The following BABAM2 variants were observed in gnomAD, a reference collection of about 807,000 sequenced individuals.
BABAM2 encodes BRISC and BRCA1 A complex member 2.
Under a neutral mutation model 54.7 loss-of-function variants are expected in BABAM2, and 31 were observed. The observed-to-expected ratio is 0.57, with a 90% CI of 0.43 to 0.77. The LOEUF (loss-of-function observed/expected upper bound fraction) is 0.77, where lower values mean the gene tolerates loss of function less well. Among genes scored for constraint, BABAM2 ranks in the 30% least tolerant of loss-of-function variants. The probability of loss-of-function intolerance (pLI) is 0.00; values close to 1 mark genes in which losing one functional copy is unlikely to be tolerated. For synonymous variants in BABAM2, 167 were observed against 162.9 expected (o/e 1.03, Z -0.19); for missense variants, 364 against 455.8 (o/e 0.80, Z 1.83).
At chr2:27,976,873 G>A (rs948541012) in intron 3 of BABAM2, among the ~76,000 whole-genome samples, 5 of 152,240 alleles carry the variant, frequency 3.3e-5, no homozygotes, top group South Asian at 4.1e-4. Context: ...GGTGTGGTCC[G>A]AAGTCTAGGA....
intron 7 of BABAM2, among the ~76,000 whole-genome samples, chr2:28,169,915 A>G (rs1674133467): frequency 6.6e-6 from 1 of 152,160 alleles, no homozygotes; most frequent in African/African-American, 2.4e-5. Flanking sequence ...GGGCATTCCA[A>G]AAGTCCCAGT....
chr2:28,184,098 C>T (rs1675970334), intron 7 of BABAM2, among the ~76,000 whole-genome samples: 1 of 152,146 alleles, frequency 6.6e-6, no homozygotes, highest in Non-Finnish European at 1.5e-5. Context: ...TATTGTTAGC[C>T]TTCTTTTGAA....
intron 10 of BABAM2, among the ~76,000 whole-genome samples, chr2:28,278,577 G>A (rs1686069341): frequency 6.6e-6 from 1 of 152,112 alleles, no homozygotes; most frequent in African/African-American, 2.4e-5. Flanking sequence ...TGAGTTTGAG[G>A]TGTTTATGTG....
At chr2:28,080,762 T>G (rs1665092318) in intron 6 of BABAM2, among the ~76,000 whole-genome samples, 1 of 152,214 alleles carries the variant, frequency 6.6e-6, no homozygotes, top group African/African-American at 2.4e-5. Context: ...CATATTAATT[T>G]TATTATTTCA....
chr2:27,973,308 TG>T (rs1430458612), intron 3 of BABAM2, among the ~76,000 whole-genome samples: 1 of 152,164 alleles, frequency 6.6e-6, no homozygotes, highest in Non-Finnish European at 1.5e-5. Flanking sequence ...CCATATCTCC[TG>T]GTTTGGATCC....
chr2:27,930,816 A>C (rs887266036), intron 3 of BABAM2, among the ~76,000 whole-genome samples: 2 of 152,214 alleles, frequency 1.3e-5, no homozygotes, highest in African/African-American at 4.8e-5. Flanking sequence ...TGGAAATCAC[A>C]GTGGCTTTGG....
intron 10 of BABAM2, among the ~76,000 whole-genome samples, chr2:28,291,008 T>C (rs1687239630): frequency 6.6e-6 from 1 of 152,066 alleles, no homozygotes; most frequent in African/African-American, 2.4e-5. Context: ...AGAAGGGTGG[T>C]AGGGAAAAGA....
intron 8 of BABAM2, among the ~76,000 whole-genome samples, chr2:28,238,320 T>C (rs1682102605): frequency 6.6e-6 from 1 of 152,250 alleles, no homozygotes; most frequent in South Asian, 2.1e-4. Flanking sequence ...AAACTAGTGA[T>C]ACTGATGCAC....
intron 6 of BABAM2, among the ~76,000 whole-genome samples, chr2:28,083,190 C>A (rs6726377): frequency 0.069 from 10,535 of 152,224 alleles, 1,204 homozygotes; most frequent in African/African-American, 0.24. Context: ...CTGCTTACCA[C>A]GTCCTGAACT....
At chr2:28,032,145 A>T (rs1361325565) in intron 5 of BABAM2, among the ~76,000 whole-genome samples, 1 of 152,210 alleles carries the variant, frequency 6.6e-6, no homozygotes, top group African/African-American at 2.4e-5. Context: ...ACTAGGAATG[A>T]TTATTTAATC....
At chr2:28,039,264 A>C (rs1424455769) in intron 5 of BABAM2, among the ~76,000 whole-genome samples, 2 of 152,156 alleles carry the variant, frequency 1.3e-5, no homozygotes, top group Non-Finnish European at 2.9e-5. Flanking sequence ...AAGTTTCTTG[A>C]CTGTTCTAGG....
At position 28,129,395 on chromosome 2, in the gene BABAM2, C is replaced by T. The variant is rs1313623882; in HGVS notation, c.680+15C>T. 1.3e-6 allele frequency: 2 copies of T among 1,591,056 alleles called. No individual in the cohort carries two copies. Among genetic ancestry groups the T allele is most frequent in the Admixed American group, 3.3e-5 (2 of 59,966 alleles). ...CGAATTGAGCAGTAAGTGTCATTAA[C>T]ATGAGGTAGCCTGGTGCTACTTCTT... On this transcript the variant is annotated intron_variant, in intron 7 of 11. Transcript: ENST00000379624.
In BABAM2 at chr2:28,070,440, C is replaced by T. The variant is rs968232856; in HGVS notation, c.570+24641C>T. On this transcript the variant is annotated intron_variant, in intron 6 of 11. Coordinates refer to ENST00000379624, the MANE Select transcript of BABAM2 (RefSeq NM_199191.3). ...CATACGCTGGCTCTCTTCAAAAATC[C>T]TCAGGGAGGTTTTTATTTTATTCAG... Among the ~76,000 whole-genome samples the T allele has an allele frequency of 6.2e-4, 95 of 152,170 alleles. 3 individuals are homozygous for T. Among genetic ancestry groups the T allele is most frequent in the Non-Finnish European group, 8.8e-5 (6 of 68,028 alleles).
At chr2:28,204,624 C>T (rs1042642319) in intron 7 of BABAM2, among the ~76,000 whole-genome samples, 9 of 151,958 alleles carry the variant, frequency 5.9e-5, no homozygotes, top group Non-Finnish European at 8.8e-5. Flanking sequence ...AAGTTTCACT[C>T]GGTGGGAAAT....
intron 4 of BABAM2, among the ~76,000 whole-genome samples, chr2:27,997,881 ATGGTGGCTCAGGCC>A (rs1673281095): frequency 6.6e-6 from 1 of 152,142 alleles, no homozygotes; most frequent in African/African-American, 2.4e-5. Flanking sequence ...AGGGCCAGGC[ATGGTGGCTCAGGCC>A]TGTAATCTGA....
chr2:28,071,147 T>C (rs1664102021), intron 6 of BABAM2, among the ~76,000 whole-genome samples: 1 of 152,214 alleles, frequency 6.6e-6, no homozygotes, highest in South Asian at 2.1e-4. Flanking sequence ...TTCTGACTGT[T>C]AGGAAGAAAC....
At chr2:28,172,662 G>A (rs1674486454) in intron 7 of BABAM2, among the ~76,000 whole-genome samples, 1 of 152,240 alleles carries the variant, frequency 6.6e-6, no homozygotes, top group African/African-American at 2.4e-5. Flanking sequence ...GTGGGTGGGT[G>A]TGGGTGTGCA....
Position 28,081,346 on chromosome 2 carries a change from G to A in BABAM2, c.570+35547G>A, listed in dbSNP as rs912797948. On this transcript the variant is annotated intron_variant, in intron 6 of 11. Transcript: ENST00000379624. ...ACTTATCCAAGCCTGTGGTGCAGAC[G>A]ATTGTTGTAGGCAGGCTAGAGCCAC... Among the ~76,000 whole-genome samples, 7 of 152,204 alleles carry A rather than the reference G, an allele frequency of 4.6e-5. No individual in the cohort carries two copies. In the East Asian group the frequency reaches 7.7e-4, roughly 17 times the overall value.
In BABAM2 at chr2:28,258,603, C is replaced by CTT. The variant is rs1684174052; in HGVS notation, c.934+13746_934+13747dup. Among the ~76,000 whole-genome samples the CTT allele has an allele frequency of 3.9e-5, 4 of 102,510 alleles. No homozygotes were observed. In the South Asian group the frequency reaches 1.5e-3, roughly 39 times the overall value. The allele number at this position is 102,510 out of a possible 152,430, so 67.3% of individuals were successfully genotyped here. On this transcript the variant is annotated intron_variant, in intron 10 of 11. Coordinates refer to ENST00000379624, the MANE Select transcript of BABAM2 (RefSeq NM_199191.3). ...GTGAAGCATCTGCTTAAGTCTTTTT[C>CTT]TTTTTTCTTTTCTTTTTTTTTTTTT...
Sources: gnomAD v4.1 joint callset for allele counts (sites outside exome capture counted in the v4.1 genomes callset) on GRCh38, gnomAD v4.1.1 for gene constraint, MANE v1.5 for transcripts, NCBI Gene and HGNC (gene_info 2026-07-23, HGNC 2026-07-21) for gene names.